Variants in DDI2 observed in about 807,000 individuals in gnomAD.
The protein encoded by DDI2 is protein DDI1 homolog 2.
A neutral mutation model predicts 48.1 loss-of-function variants in DDI2; 5 were observed. The ratio of observed to expected loss-of-function variants is 0.10; its 90% confidence interval spans 0.05 to 0.22. The LOEUF is 0.22. Among genes scored for constraint, DDI2 ranks in the 10% least tolerant of loss-of-function variants. The probability of loss-of-function intolerance (pLI) is 1.00; values close to 1 mark genes in which losing one functional copy is unlikely to be tolerated. For missense variants in DDI2, 285 were observed against 506.2 expected, an observed-to-expected ratio of 0.56 and a Z score of 4.19; for synonymous variants, 205 against 183.6, an observed-to-expected ratio of 1.12 and a Z score of -0.94.
chr1:15,653,070 G>A (rs1027051267), intron 8 of DDI2, among the ~76,000 whole-genome samples: 1 of 152,020 alleles, frequency 6.6e-6, no homozygotes, highest in Non-Finnish European at 1.5e-5. Flanking sequence ...GTCCATTGCT[G>A]TGTTTAAGAT....
In DDI2 at chr1:15,630,452, G is replaced by A. The variant is rs1220091492; in HGVS notation, c.396G>A (p.Leu132=). The change falls in exon 3 of 10, where the codon TTG becomes TTA. Residue 132 remains leucine (L), a synonymous_variant. Transcript: ENST00000480945. Reference sequence around the variant, plus strand: ...AAATAACTTCATCTCCTCAGGGCTTGGACAATCCAGCCTTGCTCCGAGATA... The same window carrying A: ...AAATAACTTCATCTCCTCAGGGCTTAGACAATCCAGCCTTGCTCCGAGATA... ...PGEITSSPQG[L]DNPALLRDML... 6.2e-7 allele frequency: 1 copy of A among 1,614,084 alleles called. No individual in the cohort carries two copies. The highest frequency in any genetic ancestry group is 8.5e-7 in the Non-Finnish European group (1 of 1,180,040).
chr1:15,661,573 C>T lies in DDI2; in HGVS notation c.*1783C>T. 3 of 1,614,212 alleles carry T rather than the reference C, an allele frequency of 1.9e-6. No individual in the cohort carries two copies. The highest frequency in any genetic ancestry group is 2.5e-6 in the Non-Finnish European group (3 of 1,180,030). On this transcript the variant is annotated 3_prime_UTR_variant, in exon 10 of 10. Transcript: ENST00000480945. ...ATCATCAAGTCCTGCCATTCTTCCA[C>T]CATTGATTTTTCCTGCCACAGATAT...
In DDI2 at chr1:15,653,693, T is replaced by C. The variant is rs1640228447; in HGVS notation, c.1183+1798T>C. Among the ~76,000 whole-genome samples the C allele has an allele frequency of 2.6e-5, 4 of 152,108 alleles. No homozygotes were observed. The South Asian group carries it at 8.3e-4, about 32-fold the overall frequency. On this transcript the variant is annotated intron_variant, in intron 8 of 9. Transcript: ENST00000480945. ...TGTATTTTTTGTAAAGATGAGGTTT[T>C]GCCATGTTGCCCAGGCTGGTCTTGA... is the stretch of plus-strand genomic sequence containing the variant.
At chr1:15,622,112 C>G (rs977009909) in intron 1 of DDI2, among the ~76,000 whole-genome samples, 1 of 151,770 alleles carries the variant, frequency 6.6e-6, no homozygotes, top group Non-Finnish European at 1.5e-5. Flanking sequence ...ATCTCGCTCT[C>G]GCCCAGGCTG....
intron 9 of DDI2, 115 bp from the exon 10 acceptor site, chr1:15,659,722 C>A: frequency 3.7e-6 from 4 of 1,079,678 alleles, no homozygotes; most frequent in Non-Finnish European, 2.5e-6. Context: ...TAAGAGAAAC[C>A]CGAGTTTGAG....
rs1242165779 is a variant in DDI2 at position 15,661,513 on chromosome 1, C to T, written c.*1723C>T. 6.2e-7 allele frequency: 1 copy of T among 1,614,102 alleles called. No individual in the cohort carries two copies. Among genetic ancestry groups the T allele is most frequent in the Admixed American group, 1.7e-5 (1 of 60,012 alleles). On this transcript the variant is annotated 3_prime_UTR_variant, in exon 10 of 10. Transcript: ENST00000480945. Reference sequence around the variant, plus strand: ...AAATGTCTGTCCTGATGCTTCGAGGCCATTACTTGAATATGAACCACCTAC... The same window carrying T: ...AAATGTCTGTCCTGATGCTTCGAGGTCATTACTTGAATATGAACCACCTAC...
chr1:15,629,085 C>T (rs1486345793), intron 2 of DDI2, among the ~76,000 whole-genome samples: 1 of 152,124 alleles, frequency 6.6e-6, no homozygotes, highest in East Asian at 1.9e-4. Flanking sequence ...TTGGTGTATT[C>T]AGCACTGAGA....
At chr1:15,635,819 A>T (rs1181627172) in intron 4 of DDI2, among the ~76,000 whole-genome samples, 1 of 152,206 alleles carries the variant, frequency 6.6e-6, no homozygotes. Flanking sequence ...GTTGAAACTC[A>T]TTTGGGTTGG....
At position 15,666,543 on chromosome 1, in the gene DDI2, G is replaced by A. The variant is rs1391084394; in HGVS notation, c.*6753G>A. On this transcript the variant is annotated 3_prime_UTR_variant, in exon 10 of 10. Coordinates refer to ENST00000480945, the MANE Select transcript of DDI2 (RefSeq NM_032341.5). ...GTTGTGCTGGTTAAGGGAGAGAAAAGTTCAAGAAGATCTTACATATTTGAA... is the reference window on the plus strand; with the variant it reads ...GTTGTGCTGGTTAAGGGAGAGAAAAATTCAAGAAGATCTTACATATTTGAA... 1.3e-5 allele frequency: 2 copies of A among 152,186 alleles called. No individual in the cohort carries two copies. The highest frequency in any genetic ancestry group is 1.9e-4 in the East Asian group (1 of 5,200). The allele number at this position is 152,186 out of a possible 1,614,324, so 9.4% of individuals were successfully genotyped here.
Position 15,659,851 on chromosome 1 carries a change from G to T in DDI2, c.*61G>T. 1.3e-6 allele frequency: 2 copies of T among 1,541,658 alleles called. No individual in the cohort carries two copies. Among genetic ancestry groups the T allele is most frequent in the East Asian group, 2.3e-5 (1 of 44,412 alleles). ...GTTCCATATAGAGAAAAGTGGTAAA[G>T]AATCTACCTCACTGGGAATGTCATC... is the stretch of plus-strand genomic sequence containing the variant. On this transcript the variant is annotated 3_prime_UTR_variant, in exon 10 of 10. Coordinates refer to ENST00000480945, the MANE Select transcript of DDI2 (RefSeq NM_032341.5).
In DDI2 at chr1:15,643,660, AGGC is replaced by A; in HGVS notation, c.889+11_889+13del. The stretch of plus-strand genomic sequence containing the variant: ...GGAAGGGTACATCTAGGTGAGCAAA[AGGC>A]ACTGGGGCTTGCTGTCTTTCTGTAG... On this transcript the variant is annotated intron_variant, in intron 6 of 9. Coordinates refer to ENST00000480945, the MANE Select transcript of DDI2 (RefSeq NM_032341.5). 6.2e-7 allele frequency: 1 copy of A among 1,613,652 alleles called. No homozygotes were observed.
chr1:15,634,539 C>CTTTTTTTTTTTTTTTTTTTTTTTTTTTTT lies in DDI2; in HGVS notation c.632+985_632+986insTTTTTTTTTTTTTTTTTTTTTTTTTTTTT, dbSNP rs370728497. Among the ~76,000 whole-genome samples, 87 of 100,124 alleles carry CTTTTTTTTTTTTTTTTTTTTTTTTTTTTT rather than the reference C, an allele frequency of 8.7e-4. 4 individuals are homozygous for CTTTTTTTTTTTTTTTTTTTTTTTTTTTTT. Among genetic ancestry groups the CTTTTTTTTTTTTTTTTTTTTTTTTTTTTT allele is most frequent in the East Asian group, 2.0e-3 (6 of 2,988 alleles). 65.7% of individuals were successfully genotyped at this position (100,124 alleles called of 152,430 possible). On this transcript the variant is annotated intron_variant, in intron 4 of 9. Transcript: ENST00000480945. ...TTTTTAAACTTCTTATTCTTTTTAT[C>CTTTTTTTTTTTTTTTTTTTTTTTTTTTTT]TTTTTTTTTTTGAGACAAGGTCTCA... is the stretch of plus-strand genomic sequence containing the variant.
chr1:15,647,903 G>C (rs949463645), intron 6 of DDI2, among the ~76,000 whole-genome samples: 1 of 152,308 alleles, frequency 6.6e-6, no homozygotes, highest in East Asian at 1.9e-4. Flanking sequence ...GGCAAAGGTT[G>C]CAGTGAGCCG....
At chr1:15,634,494 C>T (rs1360790135) in intron 4 of DDI2, among the ~76,000 whole-genome samples, 4 of 148,926 alleles carry the variant, frequency 2.7e-5, no homozygotes, top group African/African-American at 5.0e-5. Flanking sequence ...TATCTATCAA[C>T]TTAGAAATTA....
rs1004318892 is a variant in DDI2, at chr1:15,663,829, T to G, written c.*4039T>G. The G allele has an allele frequency of 6.6e-6, 1 of 152,020 alleles. No homozygotes were observed. Among genetic ancestry groups the G allele is most frequent in the African/African-American group, 2.4e-5 (1 of 41,386 alleles). 9.4% of individuals were successfully genotyped at this position (152,020 alleles called of 1,614,324 possible). A position where few individuals can be genotyped will look rare whatever the true frequency, so the allele number is the denominator to read the frequency against. ...GGGGAACTTACTGATGACAATAGACTCCCTCCTAAAGGGCCTTCCATGTAA... is the reference window on the plus strand; with the variant it reads ...GGGGAACTTACTGATGACAATAGACGCCCTCCTAAAGGGCCTTCCATGTAA... On this transcript the variant is annotated 3_prime_UTR_variant, in exon 10 of 10. Coordinates refer to ENST00000480945, the MANE Select transcript of DDI2 (RefSeq NM_032341.5).
Position 15,660,665 on chromosome 1 carries a change from GC to G in DDI2, c.*876del. The G allele has an allele frequency of 6.2e-7, 1 of 1,614,186 alleles. No individual in the cohort carries two copies. Among genetic ancestry groups the G allele is most frequent in the Non-Finnish European group, 8.5e-7 (1 of 1,180,040 alleles). On this transcript the variant is annotated 3_prime_UTR_variant, in exon 10 of 10. Transcript: ENST00000480945. ...CTAGTTACTTTGCTTAATTCAACAG[GC>G]AGGCAGAATGCCAATGTCAAGAACA...
At chr1:15,645,926 A>G (rs1417154988) in intron 6 of DDI2, among the ~76,000 whole-genome samples, 2 of 151,116 alleles carry the variant, frequency 1.3e-5, no homozygotes, top group Non-Finnish European at 2.9e-5. Flanking sequence ...TGACCTGGGT[A>G]GGCAGCCATG....
At chr1:15,658,715 T>C (rs1296292989) in intron 9 of DDI2, among the ~76,000 whole-genome samples, 1 of 151,124 alleles carries the variant, frequency 6.6e-6, no homozygotes, top group East Asian at 2.0e-4. Context: ...GATGGCGCCA[T>C]TGTACTCCTG....
rs1640395969 is a variant in DDI2, at chr1:15,662,316, G to A, written c.*2526G>A. The A allele has an allele frequency of 6.6e-6, 1 of 152,270 alleles. No individual in the cohort carries two copies. The highest frequency in any genetic ancestry group is 1.5e-5 in the Non-Finnish European group (1 of 68,088). 9.4% of individuals were successfully genotyped at this position (152,270 alleles called of 1,614,324 possible). On this transcript the variant is annotated 3_prime_UTR_variant, in exon 10 of 10. Transcript: ENST00000480945. ...CGTAGAGTGGTATGTTTTTATTTGTGTGCTTAGGATTTGACATTTTAATAG... is the reference window on the plus strand; with the variant it reads ...CGTAGAGTGGTATGTTTTTATTTGTATGCTTAGGATTTGACATTTTAATAG...
Sources: allele counts gnomAD v4.1 joint callset (sites outside exome capture counted in the v4.1 genomes callset), GRCh38; gene constraint gnomAD v4.1.1; transcripts MANE v1.5; gene names NCBI Gene and HGNC (gene_info 2026-07-23, HGNC 2026-07-21).